Variants in RASGRP1 observed in about 807,000 individuals in gnomAD.
RASGRP1 encodes RAS guanyl releasing protein 1, also known as RAS guanyl-releasing protein 1.
RASGRP1 carries 37 observed loss-of-function variants against 95.1 expected under a neutral mutation model. The observed-to-expected ratio is 0.39, with a 90% confidence interval of 0.30 to 0.51. The LOEUF (loss-of-function observed/expected upper bound fraction) is 0.51, where lower values mean the gene tolerates loss of function less well. Ranked by LOEUF, RASGRP1 falls within the 20% of genes least tolerant of loss-of-function variation. The probability of loss-of-function intolerance (pLI) is 0.80; values close to 1 mark genes in which losing one functional copy is unlikely to be tolerated. For missense variants in RASGRP1, 711 were observed against 965.4 expected, an observed-to-expected ratio of 0.74 and a Z score of 3.49; for synonymous variants, 325 against 353.4, an observed-to-expected ratio of 0.92 and a Z score of 0.90.
chr15:38,511,681 C>T lies in RASGRP1; in HGVS notation c.889G>A (p.Val297Met), dbSNP rs1891522921. The T allele has an allele frequency of 6.2e-7, 1 of 1,613,564 alleles. No homozygotes were observed. Among genetic ancestry groups the T allele is most frequent in the Admixed American group, 1.7e-5 (1 of 60,006 alleles). The change falls in exon 8 of 17, where the codon GTG becomes ATG. Residue 297 changes from valine (V) to methionine (M), a missense_variant. Val to Met is a conservative substitution (Grantham distance 21). Transcript: ENST00000310803. ...QLQNFNTLMA[V>M]IGGLCHSSIS... is the part of the protein sequence containing the mutation. ...GAGCTGTGACACAGCCCACCTATCA[C>T]AGCCATCAGTGTATTGAAGTTCTGT...
chr15:38,543,204 C>G (rs1221034844), intron 2 of RASGRP1, among the ~76,000 whole-genome samples: 1 of 151,986 alleles, frequency 6.6e-6, no homozygotes, highest in Non-Finnish European at 1.5e-5. Context: ...TTTGATTCAT[C>G]TCATTTTTTG....
intron 12 of RASGRP1, 48 bp from the exon 13 acceptor site, chr15:38,501,335 G>A: frequency 6.2e-7 from 1 of 1,601,090 alleles, no homozygotes; most frequent in Non-Finnish European, 8.6e-7. Flanking sequence ...GGGGCATGGA[G>A]GCAGGTAGCA....
At chr15:38,511,480 C>T in intron 8 of RASGRP1, 124 bp downstream of exon 8, 1 of 705,732 alleles carries the variant, frequency 1.4e-6, no homozygotes. Context: ...CTCCCTGCCA[C>T]TTAGCCTGGT....
At chr15:38,535,553 C>A (rs915474032) in intron 2 of RASGRP1, among the ~76,000 whole-genome samples, 3 of 152,170 alleles carry the variant, frequency 2.0e-5, no homozygotes, top group African/African-American at 7.2e-5. Context: ...TGAAAATTCA[C>A]GTCCCCTAAG....
Position 38,502,422 on chromosome 15 carries a change from CTG to C in RASGRP1, c.1429-3_1429-2del. 6.4e-7 allele frequency: 1 copy of C among 1,573,476 alleles called. No homozygotes were observed. Among genetic ancestry groups the C allele is most frequent in the Non-Finnish European group, 8.7e-7 (1 of 1,144,820 alleles). ...CGTGATCATAGTTCTTGAAGACAGACTGTGAAAAAGGAGTTTTTTTGGTGATT... is the reference window on the plus strand; with the variant it reads ...CGTGATCATAGTTCTTGAAGACAGACTGAAAAAGGAGTTTTTTTGGTGATT... On this transcript the variant is annotated splice_acceptor_variant and splice_polypyrimidine_tract_variant and intron_variant, in intron 11 of 16. Coordinates refer to ENST00000310803, the MANE Select transcript of RASGRP1 (RefSeq NM_005739.4). LOFTEE classifies it high-confidence loss of function.
At chr15:38,552,758 C>G (rs758835366) in intron 2 of RASGRP1, among the ~76,000 whole-genome samples, 3 of 152,204 alleles carry the variant, frequency 2.0e-5, no homozygotes, top group South Asian at 2.1e-4. Context: ...TGTTTAATAA[C>G]TAGCTTGCAA....
chr15:38,526,437 C>G, intron 2 of RASGRP1, 33 bp from the exon 3 acceptor site: 1 of 1,564,494 alleles, frequency 6.4e-7, no homozygotes. Flanking sequence ...CTGAGTTAGG[C>G]CCTGGAGGGA....
intron 10 of RASGRP1, 57 bp downstream of exon 10, chr15:38,505,783 C>T (rs1236826858): frequency 2.3e-5 from 32 of 1,362,080 alleles, no homozygotes; most frequent in Admixed American, 5.5e-5. Context: ...TGAATGAACT[C>T]GAGGAGAAGC....
intron 9 of RASGRP1, among the ~76,000 whole-genome samples, chr15:38,507,519 A>G (rs1357017258): frequency 6.6e-6 from 1 of 152,164 alleles, no homozygotes; most frequent in Admixed American, 6.5e-5. Flanking sequence ...CTGGGTCTGA[A>G]TCAAGGCTCT....
chr15:38,537,616 T>G (rs1449126117), intron 2 of RASGRP1, among the ~76,000 whole-genome samples: 1 of 152,156 alleles, frequency 6.6e-6, no homozygotes, highest in Non-Finnish European at 1.5e-5. Context: ...GAACTCACTA[T>G]CATGGGGACA....
At chr15:38,547,451 T>G (rs1250944410) in intron 2 of RASGRP1, among the ~76,000 whole-genome samples, 1 of 152,044 alleles carries the variant, frequency 6.6e-6, no homozygotes, top group Non-Finnish European at 1.5e-5. Flanking sequence ...ATAAGATAGG[T>G]CTGAAAAGAG....
intron 2 of RASGRP1, among the ~76,000 whole-genome samples, chr15:38,542,878 T>C (rs1023661485): frequency 7.0e-6 from 1 of 143,308 alleles, no homozygotes; most frequent in South Asian, 2.2e-4. Context: ...TATGTGTATA[T>C]ATATACACAT....
At chr15:38,554,736 G>A (rs901650853) in intron 2 of RASGRP1, among the ~76,000 whole-genome samples, 12 of 152,282 alleles carry the variant, frequency 7.9e-5, no homozygotes, top group South Asian at 6.2e-4. Context: ...GGCTAAGAGC[G>A]GCCTGGGAGC....
At chr15:38,564,488 C>A (rs1325013059) in intron 1 of RASGRP1, 106 bp downstream of exon 1, 2 of 1,138,824 alleles carry the variant, frequency 1.8e-6, no homozygotes, top group Non-Finnish European at 2.2e-6. Flanking sequence ...CGACCCCGGC[C>A]CCCCTCCGCC....
At chr15:38,550,242 CAAAA>C (rs56383365) in intron 2 of RASGRP1, among the ~76,000 whole-genome samples, 2 of 89,032 alleles carry the variant, frequency 2.2e-5, no homozygotes, top group Admixed American at 1.2e-4. Context: ...ACTCTGTCGC[CAAAA>C]AAAAAAAAAA....
intron 3 of RASGRP1, among the ~76,000 whole-genome samples, chr15:38,519,770 C>A (rs1168642970): frequency 6.6e-6 from 1 of 152,112 alleles, no homozygotes. Flanking sequence ...AAAGAAAAAA[C>A]AGCAGCCCCA....
At chr15:38,500,227 T>A in intron 13 of RASGRP1, 88 bp from the exon 14 acceptor site, 1 of 1,389,200 alleles carries the variant, frequency 7.2e-7, no homozygotes, top group Non-Finnish European at 1.0e-6. Flanking sequence ...TTCCTTCATT[T>A]TACTCTCTAG....
chr15:38,527,283 A>T (rs1368755046), intron 2 of RASGRP1, among the ~76,000 whole-genome samples: 2 of 152,210 alleles, frequency 1.3e-5, no homozygotes, highest in Non-Finnish European at 2.9e-5. Context: ...AAGCACCAGC[A>T]AGAGACTGGG....
chr15:38,495,791 A>G (rs963549422), intron 15 of RASGRP1, among the ~76,000 whole-genome samples: 2 of 151,144 alleles, frequency 1.3e-5, no homozygotes, highest in African/African-American at 2.4e-5. Context: ...TTTTTTTTGG[A>G]GGAGTATTAT....
Sources: gnomAD v4.1 joint callset for allele counts (sites outside exome capture counted in the v4.1 genomes callset) on GRCh38, gnomAD v4.1.1 for gene constraint, MANE v1.5 for transcripts, NCBI Gene and HGNC (gene_info 2026-07-23, HGNC 2026-07-21) for gene names.